ATE1: variants seen among roughly 807,000 people sequenced by gnomAD.
The protein encoded by ATE1 is arginyltransferase 1, also known as arginyl-tRNA--protein transferase 1.
In ATE1, 36 loss-of-function variants were observed where a neutral mutation model predicts 70.5. The ratio of observed to expected loss-of-function variants is 0.51; its 90% confidence interval spans 0.39 to 0.67. The LOEUF (loss-of-function observed/expected upper bound fraction) is 0.67. Among genes scored for constraint, ATE1 ranks in the 30% least tolerant of loss-of-function variants. The pLI, the probability that ATE1 is intolerant of heterozygous loss-of-function variation, is 0.00. For synonymous variants in ATE1, 232 were observed against 219.3 expected (o/e 1.06, Z -0.51); for missense variants, 593 against 629.5 (o/e 0.94, Z 0.62).
intron 10 of ATE1, among the ~76,000 whole-genome samples, chr10:121,832,308 T>C (rs1407771522): frequency 1.3e-5 from 2 of 152,214 alleles, no homozygotes; most frequent in African/African-American, 2.4e-5. Flanking sequence ...GAGACTTTTT[T>C]TGTCCTAAAC....
chr10:121,743,472 G>T lies in ATE1; in HGVS notation c.*208C>A. The T allele has an allele frequency of 1.0e-6, 1 of 989,250 alleles. No homozygotes were observed. Among genetic ancestry groups the T allele is most frequent in the East Asian group, 3.4e-5 (1 of 29,576 alleles). 61.3% of individuals were successfully genotyped at this position (989,250 alleles called of 1,614,324 possible). ...TGATAAATCCCAATTATGGGGGCTA[G>T]GTCATAATGCAGTTTTAAAATCTTT... On this transcript the variant is annotated 3_prime_UTR_variant, in exon 12 of 12. Transcript: ENST00000224652.
intron 8 of ATE1, among the ~76,000 whole-genome samples, chr10:121,863,681 C>T (rs1949559152): frequency 6.6e-6 from 1 of 152,180 alleles, no homozygotes; most frequent in Non-Finnish European, 1.5e-5. Context: ...GCAATCATAG[C>T]TCACTGCAGC....
intron 10 of ATE1, among the ~76,000 whole-genome samples, chr10:121,821,609 G>A (rs190446895): frequency 1.3e-5 from 2 of 152,280 alleles, no homozygotes; most frequent in African/African-American, 2.4e-5. Context: ...GGCCAGGCCC[G>A]GTGGCTCACG....
Position 121,841,266 on chromosome 10 carries a change from A to G in ATE1, c.976-3T>C. ...GGCCCATTAGGGGGAGTCTCTGCCT[A>G]AGAAAAAGCAGAGGCACAAACAGCC... On this transcript the variant is annotated splice_polypyrimidine_tract_variant and splice_region_variant and intron_variant, in intron 8 of 11. Coordinates refer to ENST00000224652, the MANE Select transcript of ATE1 (RefSeq NM_001001976.3). 6.8e-7 allele frequency: 1 copy of G among 1,464,872 alleles called. No individual in the cohort carries two copies. Among genetic ancestry groups the G allele is most frequent in the Non-Finnish European group, 9.1e-7 (1 of 1,101,740 alleles). 90.7% of individuals were successfully genotyped at this position (1,464,872 alleles called of 1,614,324 possible).
chr10:121,842,321 G>T (rs936435236), intron 8 of ATE1, among the ~76,000 whole-genome samples: 2 of 151,948 alleles, frequency 1.3e-5, no homozygotes, highest in African/African-American at 2.4e-5. Flanking sequence ...ACCATATAAA[G>T]AACAGTATCA....
intron 10 of ATE1, among the ~76,000 whole-genome samples, chr10:121,814,493 C>T (rs1015421235): frequency 6.6e-6 from 1 of 152,196 alleles, no homozygotes; most frequent in African/African-American, 2.4e-5. Flanking sequence ...TCATTTCCAA[C>T]TTACTGCTGC....
chr10:121,848,838 G>T (rs1948944774), intron 8 of ATE1, among the ~76,000 whole-genome samples: 1 of 151,424 alleles, frequency 6.6e-6, no homozygotes, highest in African/African-American at 2.4e-5. Flanking sequence ...TTAAACCCAG[G>T]AGACGGTGGT....
intron 8 of ATE1, among the ~76,000 whole-genome samples, chr10:121,862,618 C>T (rs190619855): frequency 7.2e-6 from 1 of 138,454 alleles, no homozygotes; most frequent in Non-Finnish European, 1.5e-5. Flanking sequence ...AAGTGATCTA[C>T]CTGTCTCAAC....
chr10:121,819,417 G>C (rs982848363), intron 10 of ATE1, among the ~76,000 whole-genome samples: 3 of 152,034 alleles, frequency 2.0e-5, no homozygotes, highest in African/African-American at 7.2e-5. Flanking sequence ...TGTGAGTGAG[G>C]GATAAAAGAC....
intron 4 of ATE1, 25 bp from the exon 5 acceptor site, chr10:121,911,176 T>C: frequency 6.3e-7 from 1 of 1,597,820 alleles, no homozygotes; most frequent in Non-Finnish European, 8.5e-7. Context: ...AAATTAAAAA[T>C]CCATCAGCTG....
At chr10:121,873,263 G>A (rs1396906113) in intron 7 of ATE1, among the ~76,000 whole-genome samples, 1 of 152,010 alleles carries the variant, frequency 6.6e-6, no homozygotes, top group African/African-American at 2.4e-5. Flanking sequence ...AAAAACTGAA[G>A]AATTATGGTC....
chr10:121,809,547 C>T (rs1019588600), intron 10 of ATE1, among the ~76,000 whole-genome samples: 8 of 152,086 alleles, frequency 5.3e-5, no homozygotes, highest in Admixed American at 5.2e-4. Flanking sequence ...ATTTTTACTG[C>T]GAGTGCACCG....
chr10:121,862,074 CA>C (rs1287266998), intron 8 of ATE1, among the ~76,000 whole-genome samples: 1 of 152,190 alleles, frequency 6.6e-6, no homozygotes, highest in African/African-American at 2.4e-5. Context: ...AAGCTTCCCC[CA>C]ATTCACCAGC....
At chr10:121,898,281 T>C (rs920741523) in intron 7 of ATE1, among the ~76,000 whole-genome samples, 2 of 152,228 alleles carry the variant, frequency 1.3e-5, no homozygotes, top group African/African-American at 4.8e-5. Flanking sequence ...CGTTTTTCAC[T>C]TTCAGTACAG....
At chr10:121,902,224 C>T (rs1171812316) in intron 6 of ATE1, among the ~76,000 whole-genome samples, 167 bp downstream of exon 6, 4 of 152,144 alleles carry the variant, frequency 2.6e-5, no homozygotes, top group African/African-American at 9.7e-5. Context: ...CAGCAGTTAA[C>T]TTAGTAAATA....
chr10:121,801,542 AAAG>A (rs1946878121), intron 10 of ATE1, among the ~76,000 whole-genome samples: 1 of 89,986 alleles, frequency 1.1e-5, no homozygotes, highest in Non-Finnish European at 2.5e-5. Flanking sequence ...AGATGAAGAC[AAAG>A]AAGATAATAT....
In ATE1 at chr10:121,783,531, C is replaced by A. The variant is rs1946082849; in HGVS notation, c.1378+6638G>T. 7.8e-4 allele frequency among the ~76,000 whole-genome samples: 10 copies of A among 12,782 alleles called. No homozygotes were observed. The South Asian group carries it at 0.11, about 136-fold the overall frequency. The allele number at this position is 12,782 out of a possible 152,430, so 8.4% of individuals were successfully genotyped here. ...GATGGAGTCATAGTCTAACTGGCAG[C>A]ACTTTTTTTTTTTAATGGTACGTAA... On this transcript the variant is annotated intron_variant, in intron 11 of 11. Transcript: ENST00000224652.
intron 11 of ATE1, among the ~76,000 whole-genome samples, chr10:121,769,054 A>G (rs1945393527): frequency 6.6e-6 from 1 of 152,112 alleles, no homozygotes; most frequent in African/African-American, 2.4e-5. Context: ...AGTATTCTAA[A>G]ATTTATATGG....
chr10:121,773,611 C>T (rs1190650955), intron 11 of ATE1, among the ~76,000 whole-genome samples: 1 of 151,364 alleles, frequency 6.6e-6, no homozygotes, highest in Non-Finnish European at 1.5e-5. Context: ...TTTACGAACT[C>T]TTCTTACATC....
Sources: allele counts gnomAD v4.1 joint callset (sites outside exome capture counted in the v4.1 genomes callset), GRCh38; gene constraint gnomAD v4.1.1; transcripts MANE v1.5; gene names NCBI Gene and HGNC (gene_info 2026-07-23, HGNC 2026-07-21).